Variants in VSTM4 observed in about 807,000 individuals in gnomAD.
VSTM4 encodes V-set and transmembrane domain-containing protein 4.
Under a neutral mutation model 36.4 loss-of-function variants are expected in VSTM4, and 20 were observed. The ratio of observed to expected loss-of-function variants is 0.55; its 90% CI spans 0.39 to 0.80. The LOEUF (loss-of-function observed/expected upper bound fraction) is 0.80. VSTM4 is among the 30% of genes least tolerant of loss of function. The pLI, the probability that VSTM4 is intolerant of heterozygous loss-of-function variation, is 0.00. For missense variants in VSTM4, 392 were observed against 404.5 expected (o/e 0.97, Z 0.26); for synonymous variants, 182 against 173.9 (o/e 1.05, Z -0.37).
At chr10:49,065,151 A>C (rs1476616843) in intron 4 of VSTM4, among the ~76,000 whole-genome samples, 2 of 152,212 alleles carry the variant, frequency 1.3e-5, no homozygotes, top group Non-Finnish European at 2.9e-5. Context: ...TCTCTGATTA[A>C]TGCTCTTCCA....
rs915170971 is a variant in VSTM4 at position 49,048,502 on chromosome 10, T to C, written c.751A>G (p.Ile251Val). 8 of 1,595,318 alleles carry C rather than the reference T, an allele frequency of 5.0e-6. No individual in the cohort carries two copies. In the African/African-American group the frequency reaches 1.1e-4, roughly 22 times the overall value. ...CCTTTGGCAGGGACTGCGGGAGGAA[T>C]GTCAGGCTTCTCCTTCTGCCTCTTG... The part of the protein sequence containing the change: ...KGKRQKEKPD[I>V]PPAVPAKAPI... Residue 251 changes from isoleucine (I) to valine (V), a missense_variant, in exon 6 of 8, where the codon ATT (isoleucine) becomes GTT (valine). Transcript: ENST00000332853.
chr10:49,108,246 C>T (rs1844827100), intron 1 of VSTM4, among the ~76,000 whole-genome samples: 1 of 152,216 alleles, frequency 6.6e-6, no homozygotes, highest in South Asian at 2.1e-4. Context: ...CCTCCTGACC[C>T]AGAAGTATTT....
intron 2 of VSTM4, among the ~76,000 whole-genome samples, chr10:49,094,321 A>T (rs1844532510): frequency 6.6e-6 from 1 of 152,092 alleles, no homozygotes; most frequent in African/African-American, 2.4e-5. Flanking sequence ...GGCCTCTGGG[A>T]GTTTAGTTTC....
At chr10:49,029,467 A>C (rs184640054) in intron 7 of VSTM4, among the ~76,000 whole-genome samples, 117 of 152,348 alleles carry the variant, frequency 7.7e-4, no homozygotes, top group African/African-American at 2.6e-3. Context: ...TCATGCCAGC[A>C]CTGTGAGGCA....
At chr10:49,036,872 G>C (rs1252285219) in intron 7 of VSTM4, among the ~76,000 whole-genome samples, 1 of 152,208 alleles carries the variant, frequency 6.6e-6, no homozygotes, top group Non-Finnish European at 1.5e-5. Context: ...TCTGAACAAG[G>C]ATGAATGAAC....
intron 3 of VSTM4, among the ~76,000 whole-genome samples, chr10:49,081,467 A>G (rs185905655): frequency 4.6e-5 from 7 of 152,338 alleles, no homozygotes; most frequent in African/African-American, 1.4e-4. Flanking sequence ...GCTTCAGAAC[A>G]GCAGGAACCC....
chr10:49,017,129 C>T lies in VSTM4; in HGVS notation c.*2521G>A, dbSNP rs1378729055. 4 of 152,174 alleles carry T rather than the reference C, an allele frequency of 2.6e-5. No individual in the cohort carries two copies. Among genetic ancestry groups the T allele is most frequent in the African/African-American group, 9.7e-5 (4 of 41,434 alleles). 9.4% of individuals were successfully genotyped at this position (152,174 alleles called of 1,614,324 possible). On this transcript the variant is annotated 3_prime_UTR_variant, in exon 8 of 8. Transcript: ENST00000332853. ...ATTTCAATGATATGTGATATGTTTC[C>T]CCTTATCTTTGGAAATGACAATGCA... is the stretch of plus-strand genomic sequence containing the variant.
intron 1 of VSTM4, among the ~76,000 whole-genome samples, chr10:49,110,228 C>T (rs1003978618): frequency 2.0e-5 from 3 of 152,198 alleles, no homozygotes; most frequent in African/African-American, 7.2e-5. Flanking sequence ...CCAGGCTCCT[C>T]CTATTAATGC....
At chr10:49,092,429 A>G (rs1367699159) in intron 2 of VSTM4, among the ~76,000 whole-genome samples, 1 of 152,234 alleles carries the variant, frequency 6.6e-6, no homozygotes, top group East Asian at 1.9e-4. Flanking sequence ...CCAATCCAGG[A>G]GAGGGTTTAG....
chr10:49,097,286 C>A (rs963550968), intron 2 of VSTM4, among the ~76,000 whole-genome samples: 2 of 152,196 alleles, frequency 1.3e-5, no homozygotes. Flanking sequence ...CCATGCCCAC[C>A]GGGGGCCTCC....
intron 1 of VSTM4, among the ~76,000 whole-genome samples, chr10:49,110,065 A>G (rs539227028): frequency 6.6e-6 from 1 of 152,308 alleles, no homozygotes. Context: ...GGGCAGCCAC[A>G]GAGAGCAGCA....
intron 7 of VSTM4, among the ~76,000 whole-genome samples, chr10:49,044,303 G>C (rs1843566280): frequency 6.6e-6 from 1 of 151,598 alleles, no homozygotes; most frequent in Non-Finnish European, 1.5e-5. Flanking sequence ...ATTCCAGCTT[G>C]GGTGACAGAA....
intron 5 of VSTM4, among the ~76,000 whole-genome samples, chr10:49,056,908 G>A (rs926511010): frequency 2.6e-5 from 4 of 152,238 alleles, no homozygotes; most frequent in East Asian, 1.9e-4. Context: ...CAGGAAGCAC[G>A]GTGCTGGCAT....
At chr10:49,087,824 T>A (rs1844395046) in intron 2 of VSTM4, among the ~76,000 whole-genome samples, 1 of 151,542 alleles carries the variant, frequency 6.6e-6, no homozygotes, top group Non-Finnish European at 1.5e-5. Context: ...CTTTTCTCTG[T>A]GATCTAACTA....
At chr10:49,110,417 G>A (rs933652505) in intron 1 of VSTM4, among the ~76,000 whole-genome samples, 13 of 152,116 alleles carry the variant, frequency 8.5e-5, no homozygotes, top group Non-Finnish European at 1.6e-4. Flanking sequence ...AGCCTTCCAG[G>A]ATGAACCCTC....
At chr10:49,112,914 C>T (rs1844923160) in intron 1 of VSTM4, among the ~76,000 whole-genome samples, 2 of 152,176 alleles carry the variant, frequency 1.3e-5, no homozygotes, top group Non-Finnish European at 2.9e-5. Context: ...GCCTAGGACA[C>T]CGTTGTAGCT....
At chr10:49,020,143 A>T (rs1382840864) in intron 7 of VSTM4, among the ~76,000 whole-genome samples, 7 of 152,264 alleles carry the variant, frequency 4.6e-5, no homozygotes, top group Non-Finnish European at 2.9e-5. Flanking sequence ...AAACAAAAAA[A>T]TTCTAAAAAT....
At chr10:49,085,346 T>TC (rs1333650368) in intron 3 of VSTM4, among the ~76,000 whole-genome samples, 1 of 152,238 alleles carries the variant, frequency 6.6e-6, no homozygotes, top group African/African-American at 2.4e-5. Context: ...GTCCAGGCAT[T>TC]CATGTTCTTA....
At chr10:49,088,967 C>A in intron 2 of VSTM4, among the ~76,000 whole-genome samples, 1 of 152,238 alleles carries the variant, frequency 6.6e-6, no homozygotes, top group East Asian at 1.9e-4. Context: ...GAATGGCAGG[C>A]CCCATGCCGG....
Sources: allele counts gnomAD v4.1 joint callset (sites outside exome capture counted in the v4.1 genomes callset), GRCh38; gene constraint gnomAD v4.1.1; transcripts MANE v1.5; gene names NCBI Gene and HGNC (gene_info 2026-07-23, HGNC 2026-07-21).